GABRG3: variants seen among roughly 807,000 people sequenced by gnomAD.
GABRG3 encodes gamma-aminobutyric acid receptor subunit gamma-3.
In GABRG3, 25 loss-of-function variants were observed where a neutral mutation model predicts 48.8. The observed-to-expected ratio is 0.51, with a 90% CI of 0.37 to 0.72. The LOEUF (loss-of-function observed/expected upper bound fraction) is 0.72. Ranked by LOEUF, GABRG3 falls within the 30% of genes least tolerant of loss-of-function variation. The probability of loss-of-function intolerance (pLI) is 0.00; values close to 1 mark genes in which losing one functional copy is unlikely to be tolerated. For missense variants in GABRG3, 394 were observed against 577.9 expected (o/e 0.68, Z 3.26); for synonymous variants, 227 against 217.6 (o/e 1.04, Z -0.38).
intron 3 of GABRG3, among the ~76,000 whole-genome samples, chr15:27,246,241 T>C (rs185228705): frequency 2.0e-5 from 3 of 152,274 alleles, no homozygotes; most frequent in Admixed American, 2.0e-4. Context: ...TTTCTCTCTT[T>C]CTTTTTAAAA....
At chr15:27,062,068 C>T (rs148713740) in intron 3 of GABRG3, among the ~76,000 whole-genome samples, 4 of 152,288 alleles carry the variant, frequency 2.6e-5, no homozygotes, top group South Asian at 2.1e-4. Context: ...GGCTGCCTTC[C>T]GGGCAACTGG....
At chr15:27,417,962 G>C (rs1887991837) in intron 5 of GABRG3, among the ~76,000 whole-genome samples, 1 of 152,136 alleles carries the variant, frequency 6.6e-6, no homozygotes, top group African/African-American at 2.4e-5. Flanking sequence ...TTTCCTGTGG[G>C]GCTTTTGCGA....
intron 3 of GABRG3, among the ~76,000 whole-genome samples, chr15:27,055,038 T>C (rs966873571): frequency 1.7e-4 from 25 of 148,072 alleles, no homozygotes; most frequent in African/African-American, 6.2e-4. Flanking sequence ...AAATGACTTG[T>C]CAGCTAATAA....
In GABRG3 at chr15:27,152,953, C is replaced by T. The variant is rs112804072; in HGVS notation, c.270+126132C>T. Among the ~76,000 whole-genome samples, 833 of 151,886 alleles carry T rather than the reference C, an allele frequency of 5.5e-3. 9 individuals carry two copies. Among genetic ancestry groups the T allele is most frequent in the African/African-American group, 0.019 (791 of 41,398 alleles). ...TCGGCTCACTGCAAGCTCCGCCTCCCGGGTTCACGCCGTTCTCCTGCCTCA... is the reference window on the plus strand; with the variant it reads ...TCGGCTCACTGCAAGCTCCGCCTCCTGGGTTCACGCCGTTCTCCTGCCTCA... On this transcript the variant is annotated intron_variant, in intron 3 of 9. Coordinates refer to ENST00000615808, the MANE Select transcript of GABRG3 (RefSeq NM_033223.5).
chr15:27,337,548 T>C (rs1415364779), intron 5 of GABRG3, among the ~76,000 whole-genome samples: 2 of 152,310 alleles, frequency 1.3e-5, no homozygotes, highest in East Asian at 3.9e-4. Context: ...CTATTGCCTC[T>C]CAAGGCCACC....
intron 2 of GABRG3, among the ~76,000 whole-genome samples, chr15:26,987,165 G>A (rs1347764139): frequency 6.6e-6 from 1 of 152,182 alleles, no homozygotes; most frequent in Non-Finnish European, 1.5e-5. Flanking sequence ...GGCTGAGGCG[G>A]GAGAATGGCG....
chr15:27,516,802 C>T (rs1168287764), intron 6 of GABRG3, among the ~76,000 whole-genome samples: 1 of 152,218 alleles, frequency 6.6e-6, no homozygotes, highest in Non-Finnish European at 1.5e-5. Flanking sequence ...CGTTTCAAAA[C>T]ATCATCCTGG....
At chr15:27,244,014 T>A (rs951671299) in intron 3 of GABRG3, among the ~76,000 whole-genome samples, 1 of 152,184 alleles carries the variant, frequency 6.6e-6, no homozygotes, top group African/African-American at 2.4e-5. Context: ...TCCTGGTCAC[T>A]GTGGAAAGAT....
Position 27,180,130 on chromosome 15 carries a change from T to C in GABRG3, c.271-146679T>C, listed in dbSNP as rs1887880649. Among the ~76,000 whole-genome samples the C allele has an allele frequency of 6.6e-6, 1 of 152,248 alleles. No individual in the cohort carries two copies. Among genetic ancestry groups the C allele is most frequent in the East Asian group, 1.9e-4 (1 of 5,162 alleles). On this transcript the variant is annotated intron_variant, in intron 3 of 9. Transcript: ENST00000615808. The surrounding 1 kb of genome is among the most constrained non-coding windows in gnomAD (Gnocchi z 4.2). ...GCACTTGTTTTACCAATCACAGAGC[T>C]CACAAAGAAGTTGTCCAGGCCCGGG...
At chr15:27,369,453 C>G (rs1399024908) in intron 5 of GABRG3, among the ~76,000 whole-genome samples, 1 of 152,192 alleles carries the variant, frequency 6.6e-6, no homozygotes, top group Non-Finnish European at 1.5e-5. Context: ...AATGATGCAG[C>G]CATGCTGCCT....
At chr15:27,088,008 G>C (rs1897110388) in intron 3 of GABRG3, among the ~76,000 whole-genome samples, 1 of 150,570 alleles carries the variant, frequency 6.6e-6, no homozygotes, top group Non-Finnish European at 1.5e-5. Context: ...ATGTGCCATG[G>C]TTGTGTGTGT....
chr15:27,042,404 A>G (rs1297123550), intron 3 of GABRG3, among the ~76,000 whole-genome samples: 7 of 152,068 alleles, frequency 4.6e-5, no homozygotes, highest in Non-Finnish European at 1.0e-4. Context: ...ACTTGGACAC[A>G]TCCTCCTCCA....
At chr15:27,160,019 GCCACAGTGGC>G (rs1887116585) in intron 3 of GABRG3, among the ~76,000 whole-genome samples, 1 of 152,080 alleles carries the variant, frequency 6.6e-6, no homozygotes, top group African/African-American at 2.4e-5. Context: ...AGGGCTGCCT[GCCACAGTGGC>G]CCACCTGAAC....
intron 3 of GABRG3, among the ~76,000 whole-genome samples, chr15:27,281,327 AC>A (rs1334609800): frequency 1.4e-3 from 212 of 152,020 alleles, no homozygotes; most frequent in African/African-American, 4.7e-3. Flanking sequence ...CTATTTTATC[AC>A]TTGTTTTTTT....
intron 2 of GABRG3, among the ~76,000 whole-genome samples, chr15:26,983,237 A>G (rs1183928683): frequency 6.6e-6 from 1 of 151,424 alleles, no homozygotes; most frequent in Non-Finnish European, 1.5e-5. Flanking sequence ...GTGAACTTAT[A>G]TGTACATAAT....
chr15:27,470,081 C>T lies in GABRG3; in HGVS notation c.575-10569C>T, dbSNP rs571883331. Among the ~76,000 whole-genome samples the T allele has an allele frequency of 2.6e-5, 4 of 152,240 alleles. No homozygotes were observed. The South Asian group carries it at 8.3e-4, about 32-fold the overall frequency. On this transcript the variant is annotated intron_variant, in intron 5 of 9. Coordinates refer to ENST00000615808, the MANE Select transcript of GABRG3 (RefSeq NM_033223.5). ...ACTTGCACATCAGTACTTATTTAGC[C>T]TGAAATTCAGTATCTACAGGAAAGA...
chr15:27,432,334 A>G (rs984508109), intron 5 of GABRG3, among the ~76,000 whole-genome samples: 6 of 152,208 alleles, frequency 3.9e-5, no homozygotes, highest in Non-Finnish European at 7.3e-5. Context: ...CGTTTATGTA[A>G]TTATTACTTT....
rs1484148285 is a variant in GABRG3 at position 26,971,601 on chromosome 15, G to T, written c.53+13G>T. On this transcript the variant is annotated intron_variant, in intron 1 of 9. Transcript: ENST00000615808. ...GCTTGCACGCGCGGTAAGTGGCGCG[G>T]GGGCCGCATCCCCGGAGGCCCCGAG... is the stretch of plus-strand genomic sequence containing the variant. 6.6e-7 allele frequency: 1 copy of T among 1,524,874 alleles called. No homozygotes were observed. The highest frequency in any genetic ancestry group is 2.0e-5 in the Admixed American group (1 of 49,080). The allele number at this position is 1,524,874 out of a possible 1,614,324, so 94.5% of individuals were successfully genotyped here. A position where few individuals can be genotyped will look rare whatever the true frequency, so the allele number is the denominator to read the frequency against.
chr15:27,021,895 T>C (rs965987367), intron 2 of GABRG3, among the ~76,000 whole-genome samples: 1 of 152,164 alleles, frequency 6.6e-6, no homozygotes. Context: ...ATGAGAACTA[T>C]CTTTTGTAAG....
Sources: allele counts gnomAD v4.1 joint callset (sites outside exome capture counted in the v4.1 genomes callset), GRCh38; gene constraint gnomAD v4.1.1; non-coding constraint Gnocchi (gnomAD v3.1); transcripts MANE v1.5; gene names NCBI Gene and HGNC (gene_info 2026-07-23, HGNC 2026-07-21).